Variants in FOXP1 observed in about 807,000 individuals in gnomAD.
The protein encoded by FOXP1 is forkhead box protein P1.
A neutral mutation model predicts 98.2 loss-of-function variants in FOXP1; 15 were observed. The observed-to-expected ratio is 0.15, with a 90% CI of 0.10 to 0.24. FOXP1 has a LOEUF of 0.24. Ranked by LOEUF, FOXP1 falls within the 10% of genes least tolerant of loss-of-function variation. The pLI is 1.00. For synonymous variants in FOXP1, 371 were observed against 314.5 expected (o/e 1.18, Z -1.90); for missense variants, 633 against 848.5 (o/e 0.75, Z 3.15).
In FOXP1 at chr3:71,397,029, TATATGTGTATATATATATAC is replaced by T. The variant is rs1396333608; in HGVS notation, c.-167-37805_-167-37786del. Among the ~76,000 whole-genome samples the T allele has an allele frequency of 8.9e-5, 9 of 101,584 alleles. 1 individual carries two copies. Among genetic ancestry groups the T allele is most frequent in the South Asian group, 5.8e-4 (2 of 3,462 alleles). 66.6% of individuals were successfully genotyped at this position (101,584 alleles called of 152,430 possible). On this transcript the variant is annotated intron_variant, in intron 3 of 20. Transcript: ENST00000649528. Reference sequence around the variant, plus strand: ...ATGTGTATATATATATATATACATATATATGTGTATATATATATACACATATATATGTGTATATATATATA... The same window carrying T: ...ATGTGTATATATATATATATACATATACATATATATGTGTATATATATATA...
At chr3:71,173,275 C>T (rs565608165) in intron 6 of FOXP1, among the ~76,000 whole-genome samples, 1 of 152,044 alleles carries the variant, frequency 6.6e-6, no homozygotes, top group East Asian at 1.9e-4. Context: ...ACTGTCTCAA[C>T]CCCAGTCTCC....
rs574983390 is a variant in FOXP1, at chr3:71,081,008, C to T, written c.283-27235G>A. Among the ~76,000 whole-genome samples, 5 of 152,300 alleles carry T rather than the reference C, an allele frequency of 3.3e-5. 1 individual carries two copies. Among genetic ancestry groups the T allele is most frequent in the African/African-American group, 1.2e-4 (5 of 41,566 alleles). On this transcript the variant is annotated intron_variant, in intron 7 of 20. Coordinates refer to ENST00000649528, the MANE Select transcript of FOXP1 (RefSeq NM_001349338.3). Reference sequence around the variant, plus strand: ...ATTCTACCAGCACTTTGTCTGAAACCTTTACCTCCACAGGATTTGCAACTC... The same window carrying T: ...ATTCTACCAGCACTTTGTCTGAAACTTTTACCTCCACAGGATTTGCAACTC...
intron 2 of FOXP1, among the ~76,000 whole-genome samples, chr3:71,569,019 T>C (rs1196308401): frequency 6.6e-6 from 1 of 152,226 alleles, no homozygotes. Context: ...ACTTGTTTCA[T>C]GGGCTATTTA....
At chr3:71,229,370 T>C (rs893147151) in intron 5 of FOXP1, among the ~76,000 whole-genome samples, 6 of 152,210 alleles carry the variant, frequency 3.9e-5, no homozygotes, top group Non-Finnish European at 5.9e-5. Context: ...ACTAGTATTA[T>C]TTTACATTCA....
At chr3:71,021,388 T>C (rs2045410117) in intron 11 of FOXP1, among the ~76,000 whole-genome samples, 1 of 152,234 alleles carries the variant, frequency 6.6e-6, no homozygotes, top group South Asian at 2.1e-4. Context: ...TATTCCTTTT[T>C]GTAGCTGAAT....
intron 7 of FOXP1, among the ~76,000 whole-genome samples, chr3:71,067,204 G>C (rs1029895772): frequency 2.6e-5 from 4 of 152,156 alleles, no homozygotes; most frequent in Non-Finnish European, 4.4e-5. Flanking sequence ...CAGATGATAT[G>C]GTGACTCAGA....
At chr3:71,527,475 G>C (rs1174448745) in intron 2 of FOXP1, among the ~76,000 whole-genome samples, 1 of 152,144 alleles carries the variant, frequency 6.6e-6, no homozygotes, top group Non-Finnish European at 1.5e-5. Flanking sequence ...CCACATCCAA[G>C]CTGGAGGTTT....
chr3:71,026,788 G>T (rs2046175769), intron 11 of FOXP1, among the ~76,000 whole-genome samples: 1 of 152,228 alleles, frequency 6.6e-6, no homozygotes, highest in African/African-American at 2.4e-5. Flanking sequence ...GAGTATTTAT[G>T]TGGCATAGCA....
At chr3:71,182,494 CTA>C (rs373753696) in intron 6 of FOXP1, among the ~76,000 whole-genome samples, 1,896 of 142,814 alleles carry the variant, frequency 0.013, 43 homozygotes, top group Middle Eastern at 0.025. Flanking sequence ...AAAGTGTAAA[CTA>C]TATATATGTG....
intron 5 of FOXP1, among the ~76,000 whole-genome samples, chr3:71,237,423 G>C (rs2066895165): frequency 6.6e-6 from 1 of 151,964 alleles, no homozygotes; most frequent in African/African-American, 2.4e-5. Flanking sequence ...ATTGGGGCTA[G>C]CTAGCCACGC....
chr3:71,156,688 G>A (rs2060839833), intron 6 of FOXP1, among the ~76,000 whole-genome samples: 1 of 152,190 alleles, frequency 6.6e-6, no homozygotes, highest in Admixed American at 6.5e-5. Context: ...TAGCATGAGT[G>A]GTAATTCAAC....
chr3:71,124,363 T>C (rs751458702), intron 6 of FOXP1, among the ~76,000 whole-genome samples: 1 of 151,674 alleles, frequency 6.6e-6, no homozygotes, highest in Non-Finnish European at 1.5e-5. Flanking sequence ...AAAAAAATAC[T>C]GGACAATTCT....
intron 2 of FOXP1, among the ~76,000 whole-genome samples, chr3:71,515,673 AC>A (rs371227831): frequency 2.0e-5 from 3 of 152,242 alleles, no homozygotes; most frequent in African/African-American, 7.2e-5. Context: ...CTGTGTGGCT[AC>A]AGAAGAGAAA....
intron 5 of FOXP1, among the ~76,000 whole-genome samples, chr3:71,250,930 C>CA (rs910827764): frequency 4.0e-5 from 6 of 148,968 alleles, no homozygotes; most frequent in Admixed American, 1.3e-4. Context: ...GACTGTGTCT[C>CA]AAAAAAAAGA....
intron 2 of FOXP1, among the ~76,000 whole-genome samples, chr3:71,548,430 G>C (rs72961289): frequency 0.031 from 4,722 of 152,138 alleles, 235 homozygotes; most frequent in African/African-American, 0.11. Flanking sequence ...TTTTAAGACA[G>C]GGTCTTGTAC....
intron 12 of FOXP1, among the ~76,000 whole-genome samples, chr3:71,012,956 AT>A (rs1482654925): frequency 6.6e-6 from 1 of 152,182 alleles, no homozygotes; most frequent in East Asian, 1.9e-4. Flanking sequence ...GTAACATTAT[AT>A]TCAATTCATA....
chr3:71,525,708 T>C (rs1193120506), intron 2 of FOXP1, among the ~76,000 whole-genome samples: 2 of 152,228 alleles, frequency 1.3e-5, no homozygotes, highest in Non-Finnish European at 2.9e-5. Context: ...CACCTTCTTC[T>C]ACTGGCAAGT....
intron 5 of FOXP1, among the ~76,000 whole-genome samples, chr3:71,297,447 T>C (rs1362765977): frequency 7.0e-6 from 1 of 143,570 alleles, no homozygotes; most frequent in African/African-American, 2.6e-5. Flanking sequence ...ATTATAAAGA[T>C]ATTGAATCAG....
At chr3:70,965,498 A>G (rs1265553391) in intron 20 of FOXP1, among the ~76,000 whole-genome samples, 1 of 152,212 alleles carries the variant, frequency 6.6e-6, no homozygotes, top group African/African-American at 2.4e-5. Flanking sequence ...GTGCACCACC[A>G]AGTAAACAAG....
Sources: allele counts gnomAD v4.1 joint callset (sites outside exome capture counted in the v4.1 genomes callset), GRCh38; gene constraint gnomAD v4.1.1; transcripts MANE v1.5; gene names NCBI Gene and HGNC (gene_info 2026-07-23, HGNC 2026-07-21).